Variants in PDE4D observed in about 807,000 individuals in gnomAD.
The protein encoded by PDE4D is 3',5'-cyclic-AMP phosphodiesterase 4D.
In PDE4D, 24 loss-of-function variants were observed where a neutral mutation model predicts 87.4. The observed-to-expected ratio is 0.27, with a 90% CI of 0.20 to 0.39. The LOEUF (loss-of-function observed/expected upper bound fraction) is 0.39, where lower values mean the gene tolerates loss of function less well. PDE4D is among the 10% of genes least tolerant of loss of function. PDE4D has a pLI of 1.00. For missense variants in PDE4D, 714 were observed against 1,041.0 expected (o/e 0.69, Z 4.32); for synonymous variants, 384 against 383.2 (o/e 1.00, Z -0.02).
chr5:59,242,748 C>A (rs894153436), intron 1 of PDE4D, among the ~76,000 whole-genome samples: 17 of 152,132 alleles, frequency 1.1e-4, no homozygotes, highest in Non-Finnish European at 1.8e-4. Flanking sequence ...CACAAGAATC[C>A]CAGGTGGAAG....
At chr5:59,685,668 A>G (rs1042077220) in intron 1 of PDE4D, among the ~76,000 whole-genome samples, 3 of 152,190 alleles carry the variant, frequency 2.0e-5, no homozygotes, top group Admixed American at 2.0e-4. Context: ...TTGACAGAGT[A>G]AGAAATTAAA....
intron 1 of PDE4D, among the ~76,000 whole-genome samples, chr5:59,860,605 C>T (rs974541815): frequency 1.3e-5 from 2 of 152,072 alleles, no homozygotes; most frequent in Non-Finnish European, 2.9e-5. Context: ...TCCTAAAAGA[C>T]CACATTCTAA....
chr5:60,514,706 C>A (rs1750717333), intron 1 of PDE4D, among the ~76,000 whole-genome samples: 1 of 149,702 alleles, frequency 6.7e-6, no homozygotes, highest in African/African-American at 2.5e-5. Flanking sequence ...AAGGTGTTTA[C>A]AAAAAAAATT....
At chr5:59,872,871 G>A (rs1042286949) in intron 1 of PDE4D, among the ~76,000 whole-genome samples, 1 of 151,982 alleles carries the variant, frequency 6.6e-6, no homozygotes, top group African/African-American at 2.4e-5. Flanking sequence ...ATAGAATATG[G>A]GTACGCTCAA....
At position 59,530,798 on chromosome 5, in the gene PDE4D, C is replaced by T. The variant is rs1040870103; in HGVS notation, c.456-314830G>A. Among the ~76,000 whole-genome samples, 6 of 152,138 alleles carry T rather than the reference C, an allele frequency of 3.9e-5. No homozygotes were observed. The East Asian group carries it at 1.2e-3, about 29-fold the overall frequency. ...TCTAATAACAAAATAATTACAATGA[C>T]TATTTTTCTCCAGCTCTAAATTTAT... is the stretch of plus-strand genomic sequence containing the variant. On this transcript the variant is annotated intron_variant, in intron 1 of 14. Transcript: ENST00000340635.
intron 2 of PDE4D, among the ~76,000 whole-genome samples, chr5:60,058,833 A>G (rs1012825657): frequency 6.6e-6 from 1 of 152,006 alleles, no homozygotes; most frequent in Non-Finnish European, 1.5e-5. Flanking sequence ...GCATCATAAC[A>G]TGAAAATCTT....
At chr5:59,447,836 G>C (rs1798570576) in intron 1 of PDE4D, among the ~76,000 whole-genome samples, 2 of 152,150 alleles carry the variant, frequency 1.3e-5, no homozygotes, top group South Asian at 2.1e-4. Context: ...AGAGATCTGT[G>C]GCATTTCTAA....
At chr5:59,574,104 TTATA>T (rs1246363236) in intron 1 of PDE4D, among the ~76,000 whole-genome samples, 83 of 5,172 alleles carry the variant, frequency 0.016, no homozygotes, top group Middle Eastern at 0.12. Flanking sequence ...AAATATATAT[TTATA>T]TATATATATA....
At chr5:59,634,817 A>C (rs1253936655) in intron 1 of PDE4D, among the ~76,000 whole-genome samples, 1 of 152,326 alleles carries the variant, frequency 6.6e-6, no homozygotes, top group East Asian at 1.9e-4. Flanking sequence ...TAACATCACA[A>C]TTAAAAGAAC....
At chr5:59,949,947 G>A (rs1372945834) in intron 3 of PDE4D, among the ~76,000 whole-genome samples, 3 of 152,122 alleles carry the variant, frequency 2.0e-5, no homozygotes, top group Admixed American at 6.5e-5. Context: ...CAAAAGTTAT[G>A]TGTTTAATTT....
chr5:59,191,542 T>C (rs1744309607), intron 3 of PDE4D, among the ~76,000 whole-genome samples: 2 of 152,046 alleles, frequency 1.3e-5, no homozygotes, highest in African/African-American at 4.8e-5. Context: ...CTCTCTGAGG[T>C]CTTAGATATA....
chr5:60,390,422 T>C (rs887799783), intron 1 of PDE4D, among the ~76,000 whole-genome samples: 11 of 152,154 alleles, frequency 7.2e-5, no homozygotes, highest in African/African-American at 2.7e-4. Context: ...ACTAACCAAA[T>C]TCCTTACCCT....
chr5:59,099,158 C>G (rs937102800), intron 5 of PDE4D, among the ~76,000 whole-genome samples: 1 of 152,188 alleles, frequency 6.6e-6, no homozygotes, highest in Non-Finnish European at 1.5e-5. Flanking sequence ...CATAGAATTT[C>G]TCAATCCTGG....
In PDE4D at chr5:59,281,286, G is replaced by C. The variant is rs74674094; in HGVS notation, c.456-65318C>G. ...TTCTATCTTTATGTATTGTGGCTTA[G>C]AGTCACAGACATCTCCCAGTTTCCT... On this transcript the variant is annotated intron_variant, in intron 1 of 14. Coordinates refer to ENST00000340635, the MANE Select transcript of PDE4D (RefSeq NM_001104631.2). Among the ~76,000 whole-genome samples the C allele has an allele frequency of 7.0e-3, 1,072 of 152,156 alleles. 13 individuals are homozygous for C. Among genetic ancestry groups the C allele is most frequent in the African/African-American group, 0.025 (1,031 of 41,520 alleles).
intron 2 of PDE4D, among the ~76,000 whole-genome samples, chr5:60,011,685 C>T (rs1203013539): frequency 6.6e-6 from 1 of 152,010 alleles, no homozygotes; most frequent in Non-Finnish European, 1.5e-5. Flanking sequence ...AATGATGTGG[C>T]CCACAAAGCT....
intron 1 of PDE4D, among the ~76,000 whole-genome samples, chr5:60,320,433 G>T (rs1324676321): frequency 6.6e-6 from 1 of 152,126 alleles, no homozygotes; most frequent in African/African-American, 2.4e-5. Context: ...TGCTTCCTGG[G>T]TGAGGTGATG....
At chr5:59,527,995 C>T (rs898593475) in intron 1 of PDE4D, among the ~76,000 whole-genome samples, 7 of 152,098 alleles carry the variant, frequency 4.6e-5, no homozygotes, top group Non-Finnish European at 1.0e-4. Flanking sequence ...GTTAGTTGAC[C>T]ATCAGCCATC....
chr5:59,452,587 G>C (rs545581317), intron 1 of PDE4D, among the ~76,000 whole-genome samples: 2 of 152,294 alleles, frequency 1.3e-5, no homozygotes, highest in East Asian at 3.9e-4. Context: ...CAGGTAGAGA[G>C]AGTAAAACAC....
chr5:59,737,364 G>C (rs1008983426), intron 1 of PDE4D, among the ~76,000 whole-genome samples: 2 of 152,008 alleles, frequency 1.3e-5, no homozygotes, highest in African/African-American at 4.8e-5. Flanking sequence ...GTTTATAGTA[G>C]GGTAATTCAT....
Sources: gnomAD v4.1 joint callset for allele counts (sites outside exome capture counted in the v4.1 genomes callset) on GRCh38, gnomAD v4.1.1 for gene constraint, MANE v1.5 for transcripts, NCBI Gene and HGNC (gene_info 2026-07-23, HGNC 2026-07-21) for gene names.